Variants in LDB2 observed in about 807,000 individuals in gnomAD.
The protein encoded by LDB2 is LIM domain-binding protein 2.
In LDB2, 12 loss-of-function variants were observed where a neutral mutation model predicts 44.3. The ratio of observed to expected loss-of-function variants is 0.27; its 90% confidence interval spans 0.17 to 0.44. The LOEUF (loss-of-function observed/expected upper bound fraction) is 0.44, where lower values mean the gene tolerates loss of function less well. Ranked by LOEUF, LDB2 falls within the 20% of genes least tolerant of loss-of-function variation. LDB2 has a pLI of 1.00. For synonymous variants in LDB2, 164 were observed against 174.8 expected (o/e 0.94, Z 0.49); for missense variants, 344 against 473.5 (o/e 0.73, Z 2.54).
At chr4:16,827,453 A>G (rs1580030021) in intron 1 of LDB2, among the ~76,000 whole-genome samples, 2 of 152,328 alleles carry the variant, frequency 1.3e-5, no homozygotes, top group South Asian at 2.1e-4. Flanking sequence ...AAACCAAACC[A>G]AAACAAAACA....
chr4:16,855,858 T>C (rs1561452715), intron 1 of LDB2, among the ~76,000 whole-genome samples: 1 of 152,114 alleles, frequency 6.6e-6, no homozygotes, highest in Non-Finnish European at 1.5e-5. Flanking sequence ...TATTATAAAT[T>C]CATGAGTGGG....
At chr4:16,575,234 T>C (rs574889963) in intron 5 of LDB2, among the ~76,000 whole-genome samples, 137 of 152,172 alleles carry the variant, frequency 9.0e-4, no homozygotes, top group Non-Finnish European at 9.8e-4. Flanking sequence ...GTACGTAACC[T>C]GATTGCATTT....
At chr4:16,654,333 A>T (rs1015483412) in intron 2 of LDB2, among the ~76,000 whole-genome samples, 1 of 152,100 alleles carries the variant, frequency 6.6e-6, no homozygotes, top group African/African-American at 2.4e-5. Flanking sequence ...AAGCTGTGCT[A>T]CCCCATCCGA....
intron 1 of LDB2, among the ~76,000 whole-genome samples, chr4:16,760,709 T>C (rs778588555): frequency 5.3e-5 from 8 of 152,110 alleles, no homozygotes; most frequent in Non-Finnish European, 1.0e-4. Context: ...CATGAGCAAC[T>C]AAACAGGCAG....
intron 2 of LDB2, among the ~76,000 whole-genome samples, chr4:16,757,998 C>T (rs1052726652): frequency 5.9e-5 from 9 of 152,006 alleles, no homozygotes; most frequent in Admixed American, 2.0e-4. Context: ...ATGAGAGATG[C>T]GCCTGGCAAC....
chr4:16,657,616 T>C (rs999747314), intron 2 of LDB2, among the ~76,000 whole-genome samples: 4 of 151,898 alleles, frequency 2.6e-5, no homozygotes. Context: ...ATCTAATCAC[T>C]TTTTTCACTC....
chr4:16,663,970 C>T (rs985453967), intron 2 of LDB2, among the ~76,000 whole-genome samples: 44 of 152,210 alleles, frequency 2.9e-4, no homozygotes, highest in African/African-American at 1.0e-3. Flanking sequence ...AATTTCCTCC[C>T]AGCATACTTG....
chr4:16,653,900 T>C (rs1207414455), intron 2 of LDB2: 1 of 152,162 alleles, frequency 6.6e-6, no homozygotes, highest in African/African-American at 2.4e-5. Flanking sequence ...AAGGTTTCTT[T>C]GATTGGGGTA....
At chr4:16,888,554 G>A (rs949782405) in intron 1 of LDB2, 2 of 205,292 alleles carry the variant, frequency 9.7e-6, no homozygotes, top group African/African-American at 4.7e-5. Flanking sequence ...CCAAACTCAA[G>A]AGTCCTAGAT....
At chr4:16,766,468 A>ATGTGTGTGTGTGTG (rs1218763626) in intron 1 of LDB2, among the ~76,000 whole-genome samples, 3 of 41,334 alleles carry the variant, frequency 7.3e-5, no homozygotes, top group African/African-American at 1.3e-4. Context: ...ACACACATAT[A>ATGTGTGTGTGTGTG]TGTGTGTGTG....
rs111556695 is a variant in LDB2, at chr4:16,542,120, A to G, written c.616-30016T>C. Among the ~76,000 whole-genome samples the G allele has an allele frequency of 2.8e-3, 398 of 142,052 alleles. 10 individuals are homozygous for G. The highest frequency in any genetic ancestry group is 0.01 in the African/African-American group (381 of 37,474). The allele number at this position is 142,052 out of a possible 152,430, so 93.2% of individuals were successfully genotyped here. On this transcript the variant is annotated intron_variant, in intron 5 of 7. Coordinates refer to ENST00000304523, the MANE Select transcript of LDB2 (RefSeq NM_001290.5). Reference sequence around the variant, plus strand: ...AGGTGGTGGGGGGGGGGGCGCGAGCAGGAGGGCATAAGAAGGTCAGTACCC... The same window carrying G: ...AGGTGGTGGGGGGGGGGGCGCGAGCGGGAGGGCATAAGAAGGTCAGTACCC...
chr4:16,653,186 G>A lies in LDB2; in HGVS notation c.236-57311C>T, dbSNP rs114987889. On this transcript the variant is annotated intron_variant, in intron 2 of 7. Coordinates refer to ENST00000304523, the MANE Select transcript of LDB2 (RefSeq NM_001290.5). ...GTCTTCCAGCTGCCCTGACTGGAGA[G>A]AACTAAGTCGCATCAGCTGCTGTCT... 3.6e-3 allele frequency among the ~76,000 whole-genome samples: 553 copies of A among 152,188 alleles called. 6 individuals carry two copies. The highest frequency in any genetic ancestry group is 0.013 in the African/African-American group (538 of 41,516).
In LDB2 at chr4:16,672,476, G is replaced by C. The variant is rs147971306; in HGVS notation, c.236-76601C>G. 5.5e-3 allele frequency among the ~76,000 whole-genome samples: 843 copies of C among 152,268 alleles called. 5 individuals carry two copies. Among genetic ancestry groups the C allele is most frequent in the Middle Eastern group, 0.017 (5 of 294 alleles). ...CCCTAGCTCAACCCTTGCCCAGAGAGGCAAGAGTTAAATGGGAACTGAGCC... is the reference window on the plus strand; with the variant it reads ...CCCTAGCTCAACCCTTGCCCAGAGACGCAAGAGTTAAATGGGAACTGAGCC... On this transcript the variant is annotated intron_variant, in intron 2 of 7. Transcript: ENST00000304523.
intron 2 of LDB2, among the ~76,000 whole-genome samples, chr4:16,631,843 G>A (rs766363524): frequency 1.3e-5 from 2 of 152,122 alleles, no homozygotes; most frequent in Non-Finnish European, 2.9e-5. Context: ...TAGAAGAAAT[G>A]GATAAATTCC....
intron 5 of LDB2, among the ~76,000 whole-genome samples, chr4:16,584,499 G>A (rs13109710): frequency 0.1 from 15,909 of 152,160 alleles, 807 homozygotes; most frequent in South Asian, 0.13. Flanking sequence ...TGAAACCCTC[G>A]GTGCCTCACT....
At chr4:16,855,641 G>C (rs978729387) in intron 1 of LDB2, among the ~76,000 whole-genome samples, 2 of 151,946 alleles carry the variant, frequency 1.3e-5, no homozygotes, top group Non-Finnish European at 2.9e-5. Context: ...CAAACTTTGA[G>C]CTTTCTTGAA....
At chr4:16,677,621 T>G (rs532518705) in intron 2 of LDB2, among the ~76,000 whole-genome samples, 1 of 152,348 alleles carries the variant, frequency 6.6e-6, no homozygotes, top group Non-Finnish European at 1.5e-5. Flanking sequence ...GAGATTCTAG[T>G]CAATTCCATT....
chr4:16,685,157 C>G (rs909578578), intron 2 of LDB2, among the ~76,000 whole-genome samples: 144 of 152,270 alleles, frequency 9.5e-4, no homozygotes, highest in African/African-American at 3.4e-3. Context: ...ATAAATAACA[C>G]TTCTATCATA....
chr4:16,760,867 C>T (rs1424823488), intron 1 of LDB2, among the ~76,000 whole-genome samples: 4 of 152,184 alleles, frequency 2.6e-5, no homozygotes, highest in South Asian at 4.1e-4. Context: ...GTTTATTCGA[C>T]TTTAAATCAC....
Sources: allele counts gnomAD v4.1 joint callset (sites outside exome capture counted in the v4.1 genomes callset), GRCh38; gene constraint gnomAD v4.1.1; transcripts MANE v1.5; gene names NCBI Gene and HGNC (gene_info 2026-07-23, HGNC 2026-07-21).